TRPM3: variants seen among roughly 807,000 people sequenced by gnomAD.
TRPM3 encodes transient receptor potential cation channel subfamily M member 3.
In TRPM3, 77 loss-of-function variants were observed where a neutral mutation model predicts 181.2. That is an observed-to-expected ratio of 0.42 (90% CI 0.35 to 0.51). The LOEUF (loss-of-function observed/expected upper bound fraction) is 0.51. TRPM3 is among the 20% of genes least tolerant of loss of function. The pLI is 0.01. For missense variants in TRPM3, 1,759 were observed against 2,196.7 expected, an observed-to-expected ratio of 0.80 and a Z score of 3.98; for synonymous variants, 745 against 796.4, an observed-to-expected ratio of 0.94 and a Z score of 1.09.
intron 8 of TRPM3, among the ~76,000 whole-genome samples, chr9:70,738,118 T>A (rs1467465169): frequency 6.6e-6 from 1 of 152,262 alleles, no homozygotes; most frequent in South Asian, 2.1e-4. Context: ...GACCATATGA[T>A]AGGCCACAAA....
At chr9:71,226,212 A>G (rs573830276) in intron 1 of TRPM3, among the ~76,000 whole-genome samples, 22 of 152,194 alleles carry the variant, frequency 1.4e-4, no homozygotes, top group Admixed American at 4.6e-4. Context: ...GCAAGAAATT[A>G]AAACTTATCA....
intron 1 of TRPM3, among the ~76,000 whole-genome samples, chr9:70,914,325 TGA>T (rs1368938147): frequency 2.6e-5 from 4 of 152,222 alleles, no homozygotes; most frequent in African/African-American, 9.6e-5. Flanking sequence ...TCTGGCACTG[TGA>T]TCTTGGACTT....
chr9:70,611,511 T>C (rs1395365202), intron 18 of TRPM3, among the ~76,000 whole-genome samples: 2 of 152,176 alleles, frequency 1.3e-5, no homozygotes, highest in East Asian at 1.9e-4. Flanking sequence ...CCTTCCACCA[T>C]GATTGTGAGT....
At chr9:70,931,214 T>TA (rs1355215132) in intron 1 of TRPM3, among the ~76,000 whole-genome samples, 1 of 152,162 alleles carries the variant, frequency 6.6e-6, no homozygotes, top group Non-Finnish European at 1.5e-5. Flanking sequence ...CATTTATATG[T>TA]ATGTATAAAT....
At chr9:71,446,890 G>C (rs1375293237), upstream of TRPM3, 4 of 1,443,374 alleles carry the variant, frequency 2.8e-6, no homozygotes, top group East Asian at 8.4e-5. Context: ...GCTCTCGCTG[G>C]CTCCTCGCCG....
intron 1 of TRPM3, among the ~76,000 whole-genome samples, chr9:71,208,734 A>G (rs2079285177): frequency 6.6e-6 from 1 of 152,236 alleles, no homozygotes; most frequent in Non-Finnish European, 1.5e-5. Flanking sequence ...CATGGCCAAA[A>G]TAGCATCTCT....
intron 22 of TRPM3, among the ~76,000 whole-genome samples, chr9:70,566,351 G>C (rs894889174): frequency 1.3e-5 from 2 of 152,064 alleles, no homozygotes; most frequent in Admixed American, 1.3e-4. Flanking sequence ...GCACTGCTTA[G>C]AGCTACATCC....
intron 1 of TRPM3, among the ~76,000 whole-genome samples, chr9:71,338,496 T>C (rs1355207908): frequency 6.6e-6 from 1 of 152,132 alleles, no homozygotes; most frequent in Non-Finnish European, 1.5e-5. Flanking sequence ...ATTTTAGAAT[T>C]AGTGGACAAG....
intron 1 of TRPM3, among the ~76,000 whole-genome samples, chr9:71,378,014 A>G (rs112912246): frequency 1.1e-3 from 167 of 152,192 alleles, no homozygotes; most frequent in African/African-American, 3.7e-3. Flanking sequence ...GACACTATTT[A>G]AAGAGTAAAA....
At chr9:70,885,563 C>T (rs538047914) in intron 1 of TRPM3, among the ~76,000 whole-genome samples, 2 of 152,258 alleles carry the variant, frequency 1.3e-5, no homozygotes, top group East Asian at 3.9e-4. Context: ...ACTTTTTACC[C>T]AGCTAGGTCA....
At chr9:70,692,638 A>G (rs1477129973) in intron 8 of TRPM3, among the ~76,000 whole-genome samples, 3 of 152,246 alleles carry the variant, frequency 2.0e-5, no homozygotes, top group Non-Finnish European at 2.9e-5. Flanking sequence ...GCGCAGAATC[A>G]GCTCTTATTC....
intron 1 of TRPM3, among the ~76,000 whole-genome samples, chr9:71,004,829 T>C (rs117006492): frequency 6.6e-6 from 1 of 151,994 alleles, no homozygotes; most frequent in Non-Finnish European, 1.5e-5. Flanking sequence ...ATACAATAAA[T>C]GAACTCATTA....
intron 1 of TRPM3, among the ~76,000 whole-genome samples, chr9:71,076,222 C>T (rs182475445): frequency 8.7e-4 from 132 of 152,066 alleles, no homozygotes; most frequent in Admixed American, 2.4e-3. Flanking sequence ...GCGGTCAGCT[C>T]GAAATCAGAC....
At chr9:70,582,340 T>C (rs1052197368) in intron 22 of TRPM3, among the ~76,000 whole-genome samples, 2 of 152,226 alleles carry the variant, frequency 1.3e-5, no homozygotes, top group Non-Finnish European at 2.9e-5. Flanking sequence ...TTATATGTAG[T>C]CCCTGAAATC....
intron 1 of TRPM3, among the ~76,000 whole-genome samples, chr9:71,272,232 T>C (rs1392243557): frequency 1.3e-5 from 2 of 152,162 alleles, no homozygotes; most frequent in Non-Finnish European, 2.9e-5. Flanking sequence ...ATCAAGAAAA[T>C]AGAATTGGTA....
At chr9:71,179,156 A>G (rs564359693) in intron 1 of TRPM3, among the ~76,000 whole-genome samples, 1 of 152,262 alleles carries the variant, frequency 6.6e-6, no homozygotes. Context: ...TGGGAGAAAG[A>G]AGCAACACAA....
chr9:71,372,026 T>C (rs2092532106), intron 1 of TRPM3, among the ~76,000 whole-genome samples: 1 of 152,158 alleles, frequency 6.6e-6, no homozygotes, highest in African/African-American at 2.4e-5. Flanking sequence ...CCCTGCCATG[T>C]GTCCATGTGT....
At chr9:71,418,989 A>G (rs2093685453) in intron 1 of TRPM3, among the ~76,000 whole-genome samples, 1 of 150,590 alleles carries the variant, frequency 6.6e-6, no homozygotes, top group South Asian at 2.1e-4. Flanking sequence ...GGCAACCAAC[A>G]AATGTTGTTT....
Position 70,761,597 on chromosome 9 carries a change from C to T in TRPM3, c.1272+4G>A, listed in dbSNP as rs75374531. ...CAGCTGGCCACCCATGCGGAATTACCTACCAATTCCTTCTTCTTCATGCAC... is the reference window on the plus strand; with the variant it reads ...CAGCTGGCCACCCATGCGGAATTACTTACCAATTCCTTCTTCTTCATGCAC... On this transcript the variant is annotated splice_donor_region_variant and intron_variant, in intron 8 of 25. Coordinates refer to ENST00000677713, the MANE Select transcript of TRPM3 (RefSeq NM_001366145.2). 398 of 1,613,992 alleles carry T rather than the reference C, an allele frequency of 2.5e-4. 2 individuals carry two copies. The East Asian group carries it at 8.7e-3, about 35-fold the overall frequency.
Sources: allele counts gnomAD v4.1 joint callset (sites outside exome capture counted in the v4.1 genomes callset), GRCh38; gene constraint gnomAD v4.1.1; transcripts MANE v1.5; gene names NCBI Gene and HGNC (gene_info 2026-07-23, HGNC 2026-07-21).